The following ARHGAP15 variants were observed in gnomAD, a reference collection of about 807,000 sequenced individuals.
The protein encoded by ARHGAP15 is Rho GTPase activating protein 15.
Under a neutral mutation model 63.7 loss-of-function variants are expected in ARHGAP15, and 51 were observed. The ratio of observed to expected loss-of-function variants is 0.80; its 90% CI spans 0.64 to 1.01. ARHGAP15 has a LOEUF of 1.01. Ranked by LOEUF, ARHGAP15 falls within the 50% of genes least tolerant of loss-of-function variation. The pLI, the probability that ARHGAP15 is intolerant of heterozygous loss-of-function variation, is 0.00. For synonymous variants in ARHGAP15, 191 were observed against 193.8 expected (o/e 0.99, Z 0.12); for missense variants, 560 against 564.6 (o/e 0.99, Z 0.08).
chr2:143,425,323 T>G (rs1438732469), intron 6 of ARHGAP15, among the ~76,000 whole-genome samples: 1 of 151,882 alleles, frequency 6.6e-6, no homozygotes, highest in Non-Finnish European at 1.5e-5. Flanking sequence ...TTATCTCTAT[T>G]TTTCTGTTGT....
intron 12 of ARHGAP15, among the ~76,000 whole-genome samples, chr2:143,658,064 C>G (rs934395121): frequency 6.6e-6 from 1 of 152,174 alleles, no homozygotes; most frequent in African/African-American, 2.4e-5. Context: ...ATTGTAATTC[C>G]CAGAATTTCA....
At chr2:143,715,999 G>A (rs1013316284) in intron 13 of ARHGAP15, among the ~76,000 whole-genome samples, 1 of 152,144 alleles carries the variant, frequency 6.6e-6, no homozygotes, top group African/African-American at 2.4e-5. Context: ...GGGCCTGTTG[G>A]AAGGTTGTGG....
At chr2:143,390,152 CATATT>C (rs886857095) in intron 6 of ARHGAP15, among the ~76,000 whole-genome samples, 4 of 152,034 alleles carry the variant, frequency 2.6e-5, no homozygotes, top group African/African-American at 9.7e-5. Context: ...CACCATCAGG[CATATT>C]ATATTAAAAT....
At chr2:143,612,287 A>G (rs1698286641) in intron 11 of ARHGAP15, among the ~76,000 whole-genome samples, 1 of 152,192 alleles carries the variant, frequency 6.6e-6, no homozygotes, top group Admixed American at 6.6e-5. Context: ...AGAGTTTAAC[A>G]TGCATCAAAA....
intron 6 of ARHGAP15, among the ~76,000 whole-genome samples, chr2:143,427,291 A>G (rs917914744): frequency 1.2e-4 from 18 of 152,190 alleles, no homozygotes; most frequent in African/African-American, 4.3e-4. Context: ...ACTGTATCAT[A>G]AAGTTAGCTA....
At chr2:143,298,262 T>C (rs1682737737) in intron 6 of ARHGAP15, among the ~76,000 whole-genome samples, 1 of 151,924 alleles carries the variant, frequency 6.6e-6, no homozygotes, top group African/African-American at 2.4e-5. Context: ...TGAATTCCCA[T>C]GTGGAAAAAA....
At chr2:143,275,572 T>A (rs1461065141) in intron 6 of ARHGAP15, among the ~76,000 whole-genome samples, 1 of 152,198 alleles carries the variant, frequency 6.6e-6, no homozygotes, top group Non-Finnish European at 1.5e-5. Flanking sequence ...TTATTCTCAT[T>A]ACTTACTTGA....
In ARHGAP15 at chr2:143,371,938, A is replaced by G. The variant is rs192306897; in HGVS notation, c.475-63663A>G. ...AAAATATCATTAGTCTTTCAAGAAT[A>G]GGAAATCTTACAAATCAACACTAAA... is the stretch of plus-strand genomic sequence containing the variant. On this transcript the variant is annotated intron_variant, in intron 6 of 13. Coordinates refer to ENST00000295095, the MANE Select transcript of ARHGAP15 (RefSeq NM_018460.4). Among the ~76,000 whole-genome samples the G allele has an allele frequency of 4.0e-4, 61 of 152,232 alleles. 1 individual carries two copies. The highest frequency in any genetic ancestry group is 7.2e-4 in the Non-Finnish European group (49 of 68,012).
intron 1 of ARHGAP15, among the ~76,000 whole-genome samples, chr2:143,153,834 TTCTTCTTCTTCCTCC>T (rs1689952361): frequency 7.0e-5 from 5 of 71,772 alleles, no homozygotes; most frequent in Non-Finnish European, 1.1e-4. Flanking sequence ...CTTCTTCTTC[TTCTTCTTCTTCCTCC>T]TCCTCCTCCT....
At chr2:143,514,819 A>T (rs1464548786) in intron 9 of ARHGAP15, among the ~76,000 whole-genome samples, 1 of 152,184 alleles carries the variant, frequency 6.6e-6, no homozygotes, top group Non-Finnish European at 1.5e-5. Flanking sequence ...GCAGCTCCCC[A>T]GGGAAGCTCT....
intron 11 of ARHGAP15, among the ~76,000 whole-genome samples, chr2:143,623,760 G>A (rs1698733551): frequency 6.6e-6 from 1 of 152,234 alleles, no homozygotes; most frequent in South Asian, 2.1e-4. Context: ...CCGGTCCCTT[G>A]AGCCGGCCAT....
chr2:143,177,296 C>T (rs1323479019), intron 2 of ARHGAP15, among the ~76,000 whole-genome samples: 2 of 151,990 alleles, frequency 1.3e-5, no homozygotes, highest in East Asian at 1.9e-4. Flanking sequence ...AGTACTCTGT[C>T]GTAGAATTAA....
chr2:143,418,478 C>A (rs1405043934), intron 6 of ARHGAP15, among the ~76,000 whole-genome samples: 1 of 152,128 alleles, frequency 6.6e-6, no homozygotes. Context: ...GGAAGTCTTA[C>A]TAGTTTTAAA....
At position 143,363,335 on chromosome 2, in the gene ARHGAP15, T is replaced by G. The variant is rs542709263; in HGVS notation, c.475-72266T>G. On this transcript the variant is annotated intron_variant, in intron 6 of 13. Coordinates refer to ENST00000295095, the MANE Select transcript of ARHGAP15 (RefSeq NM_018460.4). ...GAGGAGGATCACTTGAGGCCAGGAG[T>G]ATGAGACCAGCCTTGCTAACATGGT... 2.0e-5 allele frequency among the ~76,000 whole-genome samples: 3 copies of G among 152,042 alleles called. No homozygotes were observed. In the East Asian group the frequency reaches 5.8e-4, roughly 29 times the overall value.
At chr2:143,465,235 G>A (rs1324667419) in intron 8 of ARHGAP15, among the ~76,000 whole-genome samples, 1 of 152,130 alleles carries the variant, frequency 6.6e-6, no homozygotes, top group Non-Finnish European at 1.5e-5. Flanking sequence ...CTGGAGAAGA[G>A]AATCAAGAGA....
At chr2:143,615,620 A>G (rs991387086) in intron 11 of ARHGAP15, among the ~76,000 whole-genome samples, 1 of 152,198 alleles carries the variant, frequency 6.6e-6, no homozygotes, top group Non-Finnish European at 1.5e-5. Flanking sequence ...GTATATGGGA[A>G]TTTATAGGAC....
chr2:143,396,898 A>G lies in ARHGAP15; in HGVS notation c.475-38703A>G, dbSNP rs16822443. ...AAGTCTGTGAAGATTATTTATATGA[A>G]TTATCTCAATATTTCTAACCTGCAA... On this transcript the variant is annotated intron_variant, in intron 6 of 13. Transcript: ENST00000295095. Among the ~76,000 whole-genome samples, 665 of 152,232 alleles carry G rather than the reference A, an allele frequency of 4.4e-3. 6 individuals carry two copies. Among genetic ancestry groups the G allele is most frequent in the African/African-American group, 0.015 (626 of 41,550 alleles).
At chr2:143,752,404 A>C (rs1361615212) in intron 13 of ARHGAP15, among the ~76,000 whole-genome samples, 1 of 152,162 alleles carries the variant, frequency 6.6e-6, no homozygotes, top group South Asian at 2.1e-4. Flanking sequence ...ACTTTACACC[A>C]GCTAGTCTCC....
chr2:143,156,269 G>A (rs1342829182), intron 2 of ARHGAP15, among the ~76,000 whole-genome samples: 1 of 151,794 alleles, frequency 6.6e-6, no homozygotes, highest in African/African-American at 2.4e-5. Flanking sequence ...GGCCCTGCAC[G>A]CATCCTGAGC....
Sources: gnomAD v4.1 joint callset for allele counts (sites outside exome capture counted in the v4.1 genomes callset) on GRCh38, gnomAD v4.1.1 for gene constraint, MANE v1.5 for transcripts, NCBI Gene and HGNC (gene_info 2026-07-23, HGNC 2026-07-21) for gene names.